PIEZO2: variants seen among roughly 807,000 people sequenced by gnomAD.
PIEZO2 encodes the protein piezo-type mechanosensitive ion channel component 2.
PIEZO2 carries 172 observed loss-of-function variants against 337.3 expected under a neutral mutation model. That is an observed-to-expected ratio of 0.51 (90% CI 0.45 to 0.58). The LOEUF is 0.58. PIEZO2 is among the 20% of genes least tolerant of loss of function. The pLI, the probability that PIEZO2 is intolerant of heterozygous loss-of-function variation, is 0.00. For missense variants in PIEZO2, 3,028 were observed against 3,391.3 expected (o/e 0.89, Z 2.66); for synonymous variants, 1,251 against 1,228.5 (o/e 1.02, Z -0.38).
At chr18:11,045,837 T>A (rs2037292262) in intron 2 of PIEZO2, among the ~76,000 whole-genome samples, 1 of 152,216 alleles carries the variant, frequency 6.6e-6, no homozygotes, top group African/African-American at 2.4e-5. Flanking sequence ...GATCACCAAC[T>A]AGACAGTCCA....
chr18:10,796,157 G>A (rs933551988), intron 12 of PIEZO2, among the ~76,000 whole-genome samples: 30 of 151,902 alleles, frequency 2.0e-4, no homozygotes, highest in African/African-American at 6.5e-4. Context: ...GAGGCCAGGA[G>A]ATCGAGACCA....
chr18:11,121,217 G>A (rs978013664), intron 1 of PIEZO2, among the ~76,000 whole-genome samples: 11 of 150,276 alleles, frequency 7.3e-5, no homozygotes, highest in Admixed American at 1.3e-4. Context: ...GGGCCACTGC[G>A]TTCCATCCTG....
intron 34 of PIEZO2, 114 bp downstream of exon 34, chr18:10,736,490 C>T (rs2036999972): frequency 2.2e-6 from 3 of 1,393,448 alleles, no homozygotes; most frequent in African/African-American, 2.9e-5. Flanking sequence ...AAATCAGAAG[C>T]TTCGGGGAGC....
chr18:11,014,832 C>G (rs1230016583), intron 2 of PIEZO2, among the ~76,000 whole-genome samples: 1 of 147,518 alleles, frequency 6.8e-6, no homozygotes, highest in Non-Finnish European at 1.5e-5. Flanking sequence ...CCTCATTCCT[C>G]AGTGGAGAAC....
intron 4 of PIEZO2, chr18:10,908,436 A>G (rs570763799): frequency 6.6e-6 from 1 of 152,362 alleles, no homozygotes; most frequent in South Asian, 2.1e-4. Flanking sequence ...AGACTGCTCT[A>G]AAGAACCAGA....
intron 1 of PIEZO2, among the ~76,000 whole-genome samples, chr18:11,091,255 G>A (rs1316922357): frequency 7.9e-5 from 12 of 151,668 alleles, no homozygotes; most frequent in South Asian, 2.1e-4. Flanking sequence ...ATGGTGGCAC[G>A]CGCCTGTAAT....
At chr18:10,753,027 G>A (rs1271912623) in intron 27 of PIEZO2, 148 bp from the exon 28 acceptor site, 2 of 1,054,288 alleles carry the variant, frequency 1.9e-6, no homozygotes, top group Non-Finnish European at 2.6e-6. Context: ...CTGCTATCTA[G>A]GAAACCCTCA....
chr18:11,140,664 A>G (rs1262325558), intron 1 of PIEZO2, among the ~76,000 whole-genome samples: 3 of 152,092 alleles, frequency 2.0e-5, no homozygotes, highest in Non-Finnish European at 2.9e-5. Context: ...AAGGCACACT[A>G]AGGTACCTTC....
chr18:11,053,214 C>G (rs2037592847), intron 2 of PIEZO2, among the ~76,000 whole-genome samples: 1 of 152,090 alleles, frequency 6.6e-6, no homozygotes, highest in African/African-American at 2.4e-5. Flanking sequence ...TCTTTAATGA[C>G]CAATCAATTA....
At chr18:10,706,231 A>G (rs1424326625) in intron 40 of PIEZO2, among the ~76,000 whole-genome samples, 1 of 152,208 alleles carries the variant, frequency 6.6e-6, no homozygotes, top group Admixed American at 6.5e-5. Flanking sequence ...TAAGGGGGGA[A>G]TGGGAATGGG....
At chr18:10,712,109 C>T (rs1211288437) in intron 39 of PIEZO2, among the ~76,000 whole-genome samples, 2 of 152,228 alleles carry the variant, frequency 1.3e-5, no homozygotes, top group African/African-American at 2.4e-5. Flanking sequence ...GTTCCTACAG[C>T]GGGTAGATTT....
intron 52 of PIEZO2, among the ~76,000 whole-genome samples, chr18:10,679,242 C>A (rs1368030284): frequency 1.3e-5 from 2 of 152,136 alleles, no homozygotes; most frequent in Non-Finnish European, 2.9e-5. Context: ...CCTGAAATTT[C>A]TTTATCATTT....
chr18:10,994,853 G>A lies in PIEZO2; in HGVS notation c.161-15193C>T, dbSNP rs530911365. ...TCCCAGCACTTTGGGAGGCCAAAGC[G>A]GGCGGATCACCTGAGGTCAGAAGTT... On this transcript the variant is annotated intron_variant, in intron 2 of 55. Transcript: ENST00000674853. 1.9e-3 allele frequency among the ~76,000 whole-genome samples: 288 copies of A among 151,906 alleles called. 1 individual carries two copies. Among genetic ancestry groups the A allele is most frequent in the African/African-American group, 6.4e-3 (265 of 41,478 alleles).
chr18:10,676,668 C>T lies in PIEZO2; in HGVS notation c.8081+1079G>A, dbSNP rs117475004. Among the ~76,000 whole-genome samples the T allele has an allele frequency of 6.0e-4, 92 of 152,296 alleles. 1 individual carries two copies. The East Asian group carries it at 0.013, about 22-fold the overall frequency. ...ATGGTCAGATAAGAGCAAGGTTTGT[C>T]ATCTAGAGATGAGATCAATACTTTT... On this transcript the variant is annotated intron_variant, in intron 53 of 55. Coordinates refer to ENST00000674853, the MANE Select transcript of PIEZO2 (RefSeq NM_001378183.1). This position sits in a 1 kb window ranked among gnomAD's most constrained non-coding sequence, Gnocchi z 5.1.
Position 10,800,455 on chromosome 18 carries a change from G to A in PIEZO2, c.1260C>T (p.Asn420=), listed in dbSNP as rs61746905. ...TGGTGTGGTAATCCACGGGGTTGCC[G>A]TTCACAGTCACCAGCAGGCCCTGCC... is the stretch of plus-strand genomic sequence containing the variant. The part of the protein sequence containing the change: ...KPSDGLLVTV[N]GNPVDYHTIH... The change falls in exon 11 of 56, where the codon AAC becomes AAT. Residue 420 remains asparagine, a synonymous_variant. Transcript: ENST00000674853. The A allele has an allele frequency of 3.1e-4, 482 of 1,533,860 alleles. 3 individuals carry two copies. In the African/African-American group the frequency reaches 4.8e-3, roughly 15 times the overall value.
rs1568314384 is a variant in PIEZO2 at position 11,033,862 on chromosome 18, G to GT, written c.160+32264dup. Among the ~76,000 whole-genome samples, 1 of 151,988 alleles carries GT rather than the reference G, an allele frequency of 6.6e-6. No individual in the cohort carries two copies. Among genetic ancestry groups the GT allele is most frequent in the Non-Finnish European group, 1.5e-5 (1 of 67,998 alleles). ...AAGAATGTGCAAAGCTGACAGTCAC[G>GT]TTTTTTCCTAACTTTCCACCAAAAA... On this transcript the variant is annotated intron_variant, in intron 2 of 55. Transcript: ENST00000674853. The surrounding 1 kb of genome is among the most constrained non-coding windows in gnomAD (Gnocchi z 4.2).
intron 2 of PIEZO2, among the ~76,000 whole-genome samples, chr18:11,055,684 C>T (rs2037706765): frequency 6.6e-6 from 1 of 152,232 alleles, no homozygotes. Flanking sequence ...CCCCACAAAG[C>T]CTAATAACCC....
chr18:10,776,577 G>GA (rs1448956063), intron 18 of PIEZO2, among the ~76,000 whole-genome samples: 5 of 151,504 alleles, frequency 3.3e-5, no homozygotes, highest in Admixed American at 6.6e-5. Context: ...CCATTCAGAA[G>GA]AAAAAAAAGG....
chr18:10,720,613 C>G (rs1402515652), intron 36 of PIEZO2, among the ~76,000 whole-genome samples: 1 of 150,546 alleles, frequency 6.6e-6, no homozygotes, highest in Non-Finnish European at 1.5e-5. Flanking sequence ...CAACACCACA[C>G]CTGACTATAT....
Sources: gnomAD v4.1 joint callset for allele counts (sites outside exome capture counted in the v4.1 genomes callset) on GRCh38, gnomAD v4.1.1 for gene constraint, Gnocchi (gnomAD v3.1) non-coding constraint, MANE v1.5 for transcripts, NCBI Gene and HGNC (gene_info 2026-07-23, HGNC 2026-07-21) for gene names.